Variants in PAG1 observed in about 807,000 individuals in gnomAD.
The protein encoded by PAG1 is phosphoprotein associated with glycosphingolipid-enriched microdomains 1.
Under a neutral mutation model 31.7 loss-of-function variants are expected in PAG1, and 23 were observed. The observed-to-expected ratio is 0.73, with a 90% CI of 0.52 to 1.03. The LOEUF (loss-of-function observed/expected upper bound fraction) is 1.03, where lower values mean the gene tolerates loss of function less well. PAG1 is among the 50% of genes least tolerant of loss of function. The pLI is 0.00. For missense variants in PAG1, 473 were observed against 540.7 expected, an observed-to-expected ratio of 0.87 and a Z score of 1.24; for synonymous variants, 214 against 210.3, an observed-to-expected ratio of 1.02 and a Z score of -0.15.
chr8:81,049,503 A>G (rs766352026), intron 2 of PAG1, among the ~76,000 whole-genome samples: 2 of 152,230 alleles, frequency 1.3e-5, no homozygotes, highest in Non-Finnish European at 2.9e-5. Flanking sequence ...CTAAATAAAT[A>G]TAGGGTTTAA....
intron 1 of PAG1, among the ~76,000 whole-genome samples, chr8:81,092,436 T>C (rs554046588): frequency 6.6e-6 from 1 of 152,288 alleles, no homozygotes; most frequent in East Asian, 1.9e-4. Flanking sequence ...TTTCCTATAA[T>C]GAGGCAGTGA....
chr8:80,995,321 G>T lies in PAG1; in HGVS notation c.-80-2014C>A, dbSNP rs555906647. On this transcript the variant is annotated intron_variant, in intron 3 of 8. Coordinates refer to ENST00000220597, the MANE Select transcript of PAG1 (RefSeq NM_018440.4). ...ACAGAACTTCTTTCTTCCTATGTTT[G>T]ATTGTATGTATATTGTGCCTGTAAA... Among the ~76,000 whole-genome samples, 12 of 152,198 alleles carry T rather than the reference G, an allele frequency of 7.9e-5. No individual in the cohort carries two copies. The South Asian group carries it at 1.0e-3, about 13-fold the overall frequency.
chr8:81,026,255 C>T (rs926070512), intron 3 of PAG1, among the ~76,000 whole-genome samples: 2 of 151,288 alleles, frequency 1.3e-5, no homozygotes, highest in Non-Finnish European at 2.9e-5. Context: ...GGCTGAGGCA[C>T]GAGAATCGCT....
chr8:81,048,101 C>T (rs1308884192), intron 2 of PAG1, among the ~76,000 whole-genome samples: 2 of 152,130 alleles, frequency 1.3e-5, no homozygotes, highest in Non-Finnish European at 2.9e-5. Context: ...ACACAAACTC[C>T]TCATCCCTGC....
chr8:81,033,157 A>C (rs1403675678), intron 2 of PAG1, among the ~76,000 whole-genome samples: 1 of 152,222 alleles, frequency 6.6e-6, no homozygotes, highest in Non-Finnish European at 1.5e-5. Context: ...CTTATGAAAA[A>C]TAATATTCCA....
chr8:81,063,176 C>T (rs1362069504), intron 2 of PAG1, among the ~76,000 whole-genome samples: 1 of 152,182 alleles, frequency 6.6e-6, no homozygotes, highest in East Asian at 1.9e-4. Flanking sequence ...AGGGCCATTC[C>T]AGCCTGCGTG....
chr8:81,013,496 G>A (rs548164477), intron 3 of PAG1, among the ~76,000 whole-genome samples: 17 of 152,288 alleles, frequency 1.1e-4, no homozygotes, highest in African/African-American at 4.1e-4. Flanking sequence ...GCCACCTTCA[G>A]CTAGTTGGCC....
rs1807160779 is a variant in PAG1 at position 80,975,515 on chromosome 8, A to G, written c.*1029T>C. The G allele has an allele frequency of 6.6e-6, 1 of 152,254 alleles. No homozygotes were observed. The highest frequency in any genetic ancestry group is 1.5e-5 in the Non-Finnish European group (1 of 68,044). The allele number at this position is 152,254 out of a possible 1,614,324, so 9.4% of individuals were successfully genotyped here. On this transcript the variant is annotated 3_prime_UTR_variant, in exon 9 of 9. Coordinates refer to ENST00000220597, the MANE Select transcript of PAG1 (RefSeq NM_018440.4). ...AAATAAATGTTTACATTTTAATCTT[A>G]GATTACCTTAGGGTAGCAGTTAACT...
chr8:81,012,600 C>T (rs952454241), intron 3 of PAG1, among the ~76,000 whole-genome samples: 1 of 152,168 alleles, frequency 6.6e-6, no homozygotes, highest in African/African-American at 2.4e-5. Context: ...GAATCTGCAT[C>T]TTCCTGCATT....
At position 81,111,653 on chromosome 8, in the gene PAG1, C is replaced by G. The variant is rs954867008; in HGVS notation, c.-296G>C. On this transcript the variant is annotated 5_prime_UTR_variant, in exon 1 of 9. Coordinates refer to ENST00000220597, the MANE Select transcript of PAG1 (RefSeq NM_018440.4). ...CGCTCGGAGGCAGCCTCTGCAAACTCCGGCGCGCAGCGCCGCCGCCCCGGC... is the reference window on the plus strand; with the variant it reads ...CGCTCGGAGGCAGCCTCTGCAAACTGCGGCGCGCAGCGCCGCCGCCCCGGC... The G allele has an allele frequency of 1.0e-4, 16 of 152,444 alleles. No homozygotes were observed. The highest frequency in any genetic ancestry group is 2.4e-4 in the African/African-American group (10 of 41,470). The allele number at this position is 152,444 out of a possible 1,614,324, so 9.4% of individuals were successfully genotyped here. A position where few individuals can be genotyped will look rare whatever the true frequency, so the allele number is the denominator to read the frequency against.
intron 3 of PAG1, among the ~76,000 whole-genome samples, chr8:81,014,581 C>T (rs950316753): frequency 6.6e-6 from 1 of 152,082 alleles, no homozygotes; most frequent in Non-Finnish European, 1.5e-5. Context: ...TGACATAAAT[C>T]GTTGGGGATT....
intron 3 of PAG1, among the ~76,000 whole-genome samples, chr8:80,994,200 G>A (rs1184838130): frequency 6.6e-6 from 1 of 151,524 alleles, no homozygotes; most frequent in Admixed American, 6.6e-5. Context: ...TGTAACTAAT[G>A]AAATAGAATG....
At chr8:81,060,962 T>C (rs918453032) in intron 2 of PAG1, among the ~76,000 whole-genome samples, 2 of 152,282 alleles carry the variant, frequency 1.3e-5, no homozygotes, top group African/African-American at 4.8e-5. Flanking sequence ...GCAGCCTCTC[T>C]GCTCCCTTGA....
chr8:81,042,467 G>A (rs549618514), intron 2 of PAG1, among the ~76,000 whole-genome samples: 2 of 152,280 alleles, frequency 1.3e-5, no homozygotes, highest in South Asian at 4.1e-4. Context: ...GATAAAATAA[G>A]TAGGCCATGA....
rs1563607468 is a variant in PAG1, at chr8:80,968,321, AT to A, written c.*8222del. 6.6e-6 allele frequency: 1 copy of A among 152,240 alleles called. No individual in the cohort carries two copies. The highest frequency in any genetic ancestry group is 2.4e-5 in the African/African-American group (1 of 41,464). 9.4% of individuals were successfully genotyped at this position (152,240 alleles called of 1,614,324 possible). A position where few individuals can be genotyped will look rare whatever the true frequency, so the allele number is the denominator to read the frequency against. On this transcript the variant is annotated 3_prime_UTR_variant, in exon 9 of 9. Coordinates refer to ENST00000220597, the MANE Select transcript of PAG1 (RefSeq NM_018440.4). ...TAGTATCATTATCCCCATTTTGTAT[AT>A]GGAGAAACTGAGGCACAGAGAAGTT... is the stretch of plus-strand genomic sequence containing the variant.
chr8:81,020,066 T>C (rs997740928), intron 3 of PAG1, among the ~76,000 whole-genome samples: 2 of 152,228 alleles, frequency 1.3e-5, no homozygotes, highest in African/African-American at 4.8e-5. Context: ...ATGGGCCCTG[T>C]AACCCCTTTG....
intron 1 of PAG1, among the ~76,000 whole-genome samples, chr8:81,103,563 A>C (rs1809643698): frequency 6.6e-6 from 1 of 152,206 alleles, no homozygotes; most frequent in East Asian, 1.9e-4. Context: ...AACATACGGT[A>C]ATTATTTCCA....
intron 7 of PAG1, 112 bp downstream of exon 7, chr8:80,984,663 AT>A: frequency 9.9e-7 from 1 of 1,008,128 alleles, no homozygotes; most frequent in Non-Finnish European, 1.5e-6. Flanking sequence ...AGCTCTCATC[AT>A]TCAACAAACT....
chr8:80,997,231 C>T (rs1807693402), intron 3 of PAG1, among the ~76,000 whole-genome samples: 1 of 152,182 alleles, frequency 6.6e-6, no homozygotes. Context: ...CCTGTTCTTA[C>T]TTGACTCAAT....
Sources: gnomAD v4.1 joint callset for allele counts (sites outside exome capture counted in the v4.1 genomes callset) on GRCh38, gnomAD v4.1.1 for gene constraint, MANE v1.5 for transcripts, NCBI Gene and HGNC (gene_info 2026-07-23, HGNC 2026-07-21) for gene names.